CYSLTR1: variants seen among roughly 807,000 people sequenced by gnomAD.
CYSLTR1 encodes the protein G-protein coupled receptor HG55.
In CYSLTR1, 1 loss-of-function variant was observed where a neutral mutation model predicts 2.1. The ratio of observed to expected loss-of-function variants is 0.48; its 90% CI spans 0.17 to 2.28. CYSLTR1 has a LOEUF of 2.28. Ranked by LOEUF, CYSLTR1 falls within the 30% of genes most tolerant of loss-of-function variation. The pLI is 0.26. For missense variants in CYSLTR1, 299 were observed against 250.1 expected (o/e 1.20, Z -1.32); for synonymous variants, 110 against 89.6 (o/e 1.23, Z -1.28).
At chrX:78,286,415 G>A (rs1922076943) in intron 1 of CYSLTR1, among the ~76,000 whole-genome samples, 1 of 112,049 alleles carries the variant, frequency 8.9e-6, no homozygotes, top group Non-Finnish European at 1.9e-5. Flanking sequence ...AAACATTTAT[G>A]TACAAGTCTC....
At chrX:78,302,495 C>T (rs1478709331) in intron 1 of CYSLTR1, among the ~76,000 whole-genome samples, 2 of 111,554 alleles carry the variant, frequency 1.8e-5, no homozygotes, top group Non-Finnish European at 3.8e-5. Flanking sequence ...GGAGTCTTGC[C>T]TCATAGCCAC....
intron 1 of CYSLTR1, among the ~76,000 whole-genome samples, chrX:78,292,864 G>A (rs1285318251): frequency 9.8e-6 from 1 of 102,092 alleles, no homozygotes; most frequent in Non-Finnish European, 2.0e-5. Flanking sequence ...TTGAGCCTAT[G>A]TGTGTCTTTG....
At chrX:78,310,881 CGTGTGTGG>C (rs1038155738) in intron 1 of CYSLTR1, among the ~76,000 whole-genome samples, 2 of 108,997 alleles carry the variant, frequency 1.8e-5, no homozygotes, top group African/African-American at 6.7e-5. Context: ...TGTGTTTGGG[CGTGTGTGG>C]GTGTGTGGGC....
intron 2 of CYSLTR1, among the ~76,000 whole-genome samples, chrX:78,283,017 A>G (rs1921902419): frequency 8.9e-6 from 1 of 112,496 alleles, no homozygotes; most frequent in Middle Eastern, 4.6e-3. Flanking sequence ...AAGATTGTAA[A>G]ACTTTTAAGC....
intron 1 of CYSLTR1, among the ~76,000 whole-genome samples, chrX:78,308,389 G>A (rs1160430369): frequency 9.0e-6 from 1 of 111,729 alleles, no homozygotes; most frequent in African/African-American, 3.2e-5. Flanking sequence ...GTTTACCTAA[G>A]CCTTAATTAC....
chrX:78,287,379 C>A (rs1922117263), intron 1 of CYSLTR1, among the ~76,000 whole-genome samples: 1 of 111,613 alleles, frequency 9.0e-6, no homozygotes, highest in African/African-American at 3.3e-5. Context: ...ACTATAGAGA[C>A]AGGTGATAGT....
chrX:78,324,315 G>A (rs1356493204), intron 1 of CYSLTR1, among the ~76,000 whole-genome samples: 4 of 112,522 alleles, frequency 3.6e-5, no homozygotes, highest in African/African-American at 9.7e-5. Flanking sequence ...GTAGGGATGA[G>A]GATATGTACT....
intron 1 of CYSLTR1, among the ~76,000 whole-genome samples, chrX:78,294,498 C>T (rs760554095): frequency 8.9e-6 from 1 of 112,393 alleles, no homozygotes; most frequent in Non-Finnish European, 1.9e-5. Flanking sequence ...TGGGAGAACC[C>T]CTGCTTTCTT....
rs193011116 is a variant in CYSLTR1, at chrX:78,290,292, G to C, written c.-114-6752C>G. On this transcript the variant is annotated intron_variant, in intron 1 of 2. Coordinates refer to ENST00000373304, the MANE Select transcript of CYSLTR1 (RefSeq NM_006639.4). ...GTTGTAGATGGGTGGTGTTACTTCTGAGGCCTCTCTTCTGTTCCATTGGTC... is the reference window on the plus strand; with the variant it reads ...GTTGTAGATGGGTGGTGTTACTTCTCAGGCCTCTCTTCTGTTCCATTGGTC... 5.0e-3 allele frequency among the ~76,000 whole-genome samples: 554 copies of C among 111,201 alleles called. 3 individuals carry two copies. Among genetic ancestry groups the C allele is most frequent in the Non-Finnish European group, 8.4e-3 (443 of 53,022 alleles).
rs771363511 is a variant in CYSLTR1, at chrX:78,319,985, G to A, written c.-115+7320C>T. 8 of 111,736 alleles carry A rather than the reference G, an allele frequency of 7.2e-5. No homozygotes were observed. The Admixed American group carries it at 7.5e-4, about 11-fold the overall frequency. 9.2% of individuals were successfully genotyped at this position (111,736 alleles called of 1,213,427 possible). On this transcript the variant is annotated intron_variant, in intron 1 of 2. Transcript: ENST00000373304. Reference sequence around the variant, plus strand: ...GTTTTTTTCTTGTACATTTGTTTGAGTTCATTGTAGATTCTGGATATTGGC... The same window carrying A: ...GTTTTTTTCTTGTACATTTGTTTGAATTCATTGTAGATTCTGGATATTGGC...
At chrX:78,278,657 G>A (rs1469391567) in intron 2 of CYSLTR1, among the ~76,000 whole-genome samples, 1 of 111,965 alleles carries the variant, frequency 8.9e-6, no homozygotes, top group Non-Finnish European at 1.9e-5. Context: ...AACACCCAAA[G>A]CAAACTAAGC....
intron 1 of CYSLTR1, among the ~76,000 whole-genome samples, chrX:78,293,270 G>A (rs1365442198): frequency 9.0e-6 from 1 of 110,820 alleles, no homozygotes; most frequent in Admixed American, 9.6e-5. Context: ...ATTCTGGGTT[G>A]AAAATTCTTT....
chrX:78,298,110 C>T (rs1213730450), intron 1 of CYSLTR1, among the ~76,000 whole-genome samples: 3 of 110,864 alleles, frequency 2.7e-5, no homozygotes, highest in African/African-American at 9.8e-5. Flanking sequence ...TTTCAATTTC[C>T]TTCTTAATTG....
intron 1 of CYSLTR1, among the ~76,000 whole-genome samples, chrX:78,289,521 C>A (rs1021217063): frequency 8.9e-6 from 1 of 111,876 alleles, no homozygotes; most frequent in Non-Finnish European, 1.9e-5. Context: ...AGTTCTAGAT[C>A]CTTGAGAAAT....
chrX:78,315,538 G>A lies in CYSLTR1; in HGVS notation c.-115+11767C>T, dbSNP rs191598756. Among the ~76,000 whole-genome samples, 90 of 111,377 alleles carry A rather than the reference G, an allele frequency of 8.1e-4. 1 individual carries two copies. Among genetic ancestry groups the A allele is most frequent in the African/African-American group, 2.8e-3 (85 of 30,667 alleles). The stretch of plus-strand genomic sequence containing the variant: ...GGAAGGGAGCCTACTGTTCTGTAGG[G>A]TGAGTCCCAGGCTGGGCAGCATTGA... On this transcript the variant is annotated intron_variant, in intron 1 of 2. Coordinates refer to ENST00000373304, the MANE Select transcript of CYSLTR1 (RefSeq NM_006639.4).
At chrX:78,291,724 T>C (rs1167613027) in intron 1 of CYSLTR1, among the ~76,000 whole-genome samples, 1 of 112,002 alleles carries the variant, frequency 8.9e-6, no homozygotes, top group Non-Finnish European at 1.9e-5. Context: ...TATTCATTTC[T>C]TCTAGATTTT....
intron 1 of CYSLTR1, among the ~76,000 whole-genome samples, chrX:78,299,700 A>G (rs1922733103): frequency 9.0e-6 from 1 of 110,924 alleles, no homozygotes; most frequent in Admixed American, 9.6e-5. Flanking sequence ...CTTTTCTCAT[A>G]TTGTTTTTCA....
intron 1 of CYSLTR1, among the ~76,000 whole-genome samples, chrX:78,316,244 C>A (rs1265267418): frequency 1.8e-5 from 2 of 112,206 alleles, no homozygotes; most frequent in Non-Finnish European, 1.9e-5. Flanking sequence ...GTCACAGGGG[C>A]CTTTGGGGAA....
At chrX:78,285,377 G>A (rs1922022687) in intron 1 of CYSLTR1, among the ~76,000 whole-genome samples, 1 of 101,028 alleles carries the variant, frequency 9.9e-6, no homozygotes, top group Non-Finnish European at 2.0e-5. Flanking sequence ...AGCCGAGATC[G>A]CGCCACTTCA....
Sources: gnomAD v4.1 joint callset for allele counts (sites outside exome capture counted in the v4.1 genomes callset) on GRCh38, gnomAD v4.1.1 for gene constraint, MANE v1.5 for transcripts, NCBI Gene and HGNC (gene_info 2026-07-23, HGNC 2026-07-21) for gene names.